SFMBT1: variants seen among roughly 807,000 people sequenced by gnomAD.
The protein encoded by SFMBT1 is scm-like with four MBT domains protein 1.
SFMBT1 carries 32 observed loss-of-function variants against 108.7 expected under a neutral mutation model. That is an observed-to-expected ratio of 0.29 (90% CI 0.22 to 0.40). The LOEUF (loss-of-function observed/expected upper bound fraction) is 0.40, where lower values mean the gene tolerates loss of function less well. Ranked by LOEUF, SFMBT1 falls within the 10% of genes least tolerant of loss-of-function variation. The probability of loss-of-function intolerance (pLI) is 1.00; values close to 1 mark genes in which losing one functional copy is unlikely to be tolerated. For missense variants in SFMBT1, 816 were observed against 1,059.6 expected (o/e 0.77, Z 3.19); for synonymous variants, 348 against 369.5 (o/e 0.94, Z 0.67).
intron 1 of SFMBT1, among the ~76,000 whole-genome samples, chr3:52,977,403 C>T (rs984996062): frequency 1.3e-5 from 2 of 151,772 alleles, no homozygotes; most frequent in Non-Finnish European, 2.9e-5. Context: ...CCCAGCTACT[C>T]GGGAGGCTGA....
chr3:52,955,699 G>C (rs1703756472), intron 2 of SFMBT1, among the ~76,000 whole-genome samples: 1 of 152,150 alleles, frequency 6.6e-6, no homozygotes, highest in Non-Finnish European at 1.5e-5. Context: ...TTCTCAAATT[G>C]AGGCAGTAAT....
At chr3:52,981,482 C>T (rs1704708768) in intron 1 of SFMBT1, among the ~76,000 whole-genome samples, 1 of 151,860 alleles carries the variant, frequency 6.6e-6, no homozygotes, top group Non-Finnish European at 1.5e-5. Context: ...CTCACCTCAA[C>T]CTCCCTAGTA....
At chr3:53,034,070 CCAAAAAA>C (rs1699782085) in intron 1 of SFMBT1, among the ~76,000 whole-genome samples, 1 of 68,274 alleles carries the variant, frequency 1.5e-5, no homozygotes, top group Admixed American at 1.7e-4. Flanking sequence ...AACTCTGTCT[CCAAAAAA>C]AAAAAAAAAA....
intron 1 of SFMBT1, among the ~76,000 whole-genome samples, chr3:52,996,179 T>C (rs894260396): frequency 6.2e-5 from 9 of 144,898 alleles, no homozygotes; most frequent in African/African-American, 2.2e-4. Context: ...TGGATTTATA[T>C]CAAAAAGCTC....
intron 1 of SFMBT1, among the ~76,000 whole-genome samples, chr3:53,001,925 T>TCTCACACACACACACACACACACACA (rs1448849638): frequency 7.7e-6 from 1 of 129,132 alleles, no homozygotes; most frequent in African/African-American, 2.8e-5. Flanking sequence ...ACCCAGTCTC[T>TCTCACACACACACACACACACACACA]CACACACACA....
intron 1 of SFMBT1, among the ~76,000 whole-genome samples, chr3:53,041,641 T>C (rs1414064174): frequency 7.7e-6 from 1 of 130,284 alleles, no homozygotes; most frequent in Non-Finnish European, 1.5e-5. Flanking sequence ...GAGGTTGCAG[T>C]GAGCCATGAT....
At chr3:52,932,380 A>G (rs1057196210) in intron 5 of SFMBT1, 72 bp from the exon 6 acceptor site, 12 of 1,475,710 alleles carry the variant, frequency 8.1e-6, no homozygotes, top group Admixed American at 2.3e-5. Context: ...CAACTTATAA[A>G]TGATCTCAAA....
chr3:53,032,979 A>G (rs2106960757), intron 1 of SFMBT1, among the ~76,000 whole-genome samples: 1 of 152,208 alleles, frequency 6.6e-6, no homozygotes, highest in South Asian at 2.1e-4. Context: ...ATAGAATACA[A>G]GAAAATTTGG....
At chr3:52,990,546 C>T (rs556084235) in intron 1 of SFMBT1, among the ~76,000 whole-genome samples, 1 of 152,256 alleles carries the variant, frequency 6.6e-6, no homozygotes, top group East Asian at 1.9e-4. Context: ...ATTCAAACAC[C>T]AGAATACTAC....
At chr3:53,004,513 C>T (rs1426980645) in intron 1 of SFMBT1, among the ~76,000 whole-genome samples, 2 of 149,854 alleles carry the variant, frequency 1.3e-5, no homozygotes, top group African/African-American at 4.9e-5. Context: ...ACCTTGTGAT[C>T]CCCCTGCCTC....
intron 3 of SFMBT1, among the ~76,000 whole-genome samples, chr3:52,944,874 G>A (rs1703306104): frequency 1.3e-5 from 2 of 151,854 alleles, no homozygotes; most frequent in African/African-American, 4.8e-5. Flanking sequence ...CTAAAGTGCA[G>A]TGGTGCAATC....
intron 1 of SFMBT1, among the ~76,000 whole-genome samples, chr3:53,022,280 T>A (rs956394182): frequency 6.6e-6 from 1 of 151,834 alleles, no homozygotes; most frequent in African/African-American, 2.4e-5. Context: ...TGAAACCCCA[T>A]CTCTAGTAAA....
intron 1 of SFMBT1, among the ~76,000 whole-genome samples, chr3:52,981,856 C>T (rs937176136): frequency 3.9e-5 from 6 of 152,142 alleles, no homozygotes; most frequent in South Asian, 2.1e-4. Context: ...CTAACCCCCA[C>T]GCCTCGAAGG....
intron 1 of SFMBT1, among the ~76,000 whole-genome samples, chr3:52,976,781 A>AT (rs536625760): frequency 6.6e-6 from 1 of 152,206 alleles, no homozygotes; most frequent in Admixed American, 6.5e-5. Flanking sequence ...TAACATGGAC[A>AT]TTTTTTTAAA....
At chr3:52,920,801 T>A (rs1448551399) in intron 11 of SFMBT1, 151 bp from the exon 12 acceptor site, 20 of 593,418 alleles carry the variant, frequency 3.4e-5, no homozygotes, top group Non-Finnish European at 5.3e-5. Flanking sequence ...TACATTTTCA[T>A]GTATGATAAA....
At chr3:52,939,167 A>G (rs952702876) in intron 4 of SFMBT1, among the ~76,000 whole-genome samples, 3 of 152,206 alleles carry the variant, frequency 2.0e-5, no homozygotes, top group African/African-American at 7.2e-5. Flanking sequence ...TTAAAGTTCA[A>G]TACTTTCATT....
intron 1 of SFMBT1, among the ~76,000 whole-genome samples, chr3:52,974,833 TAAAAAAAAAA>T (rs10646648): frequency 7.7e-5 from 7 of 90,684 alleles, no homozygotes; most frequent in African/African-American, 8.2e-5. Flanking sequence ...CTATAAAAAG[TAAAAAAAAAA>T]AAAAAAAAAA....
chr3:52,920,698 T>A, intron 11 of SFMBT1, 48 bp from the exon 12 acceptor site: 2 of 1,205,278 alleles, frequency 1.7e-6, no homozygotes, highest in Non-Finnish European at 2.4e-6. Flanking sequence ...AACCTTTTTT[T>A]AGACCATTAA....
intron 17 of SFMBT1, 77 bp from the exon 18 acceptor site, chr3:52,907,810 G>A: frequency 2.2e-6 from 3 of 1,347,982 alleles, no homozygotes; most frequent in Non-Finnish European, 1.0e-6. Flanking sequence ...GATTTTATTA[G>A]CATAGCAAAA....
Sources: gnomAD v4.1 joint callset for allele counts (sites outside exome capture counted in the v4.1 genomes callset) on GRCh38, gnomAD v4.1.1 for gene constraint, MANE v1.5 for transcripts, NCBI Gene and HGNC (gene_info 2026-07-23, HGNC 2026-07-21) for gene names.